Variants in FGD3 observed in about 807,000 individuals in gnomAD.
FGD3 encodes FYVE, RhoGEF and PH domain-containing protein 3.
Under a neutral mutation model 71.8 loss-of-function variants are expected in FGD3, and 45 were observed. The ratio of observed to expected loss-of-function variants is 0.63; its 90% CI spans 0.49 to 0.80. The LOEUF is 0.80. FGD3 is among the 30% of genes least tolerant of loss of function. The pLI is 0.00. For synonymous variants in FGD3, 378 were observed against 392.8 expected (o/e 0.96, Z 0.44); for missense variants, 844 against 951.5 (o/e 0.89, Z 1.49).
rs370015456 is a variant in FGD3, at chr9:93,034,579, C to T, written c.1824C>T (p.Cys608=). Reference sequence around the variant, plus strand: ...CAGACCCCCAGCCCAGCCTGCTCTGCGGCCCCCTGCGGCTGTCAGAGAGCG... The same window carrying T: ...CAGACCCCCAGCCCAGCCTGCTCTGTGGCCCCCTGCGGCTGTCAGAGAGCG... ...PTADPQPSLL[C]GPLRLSESGE... The change falls in exon 17 of 18, where the codon TGC becomes TGT. Residue 608 remains cysteine (C), a synonymous_variant. Coordinates refer to ENST00000375482, the MANE Select transcript of FGD3 (RefSeq NM_001083536.2). 2.1e-5 allele frequency: 34 copies of T among 1,613,200 alleles called. No homozygotes were observed. The African/African-American group carries it at 2.3e-4, about 11-fold the overall frequency.
At chr9:92,958,022 AG>A (rs1325686746) in intron 1 of FGD3, among the ~76,000 whole-genome samples, 3 of 148,444 alleles carry the variant, frequency 2.0e-5, no homozygotes, top group African/African-American at 7.5e-5. Flanking sequence ...TTTTTGAGAC[AG>A]GGTCTCATTC....
In FGD3 at chr9:92,987,045, A is replaced by G. The variant is rs532798261; in HGVS notation, c.453+10336A>G. On this transcript the variant is annotated intron_variant, in intron 3 of 17. Transcript: ENST00000375482. ...AGGCAGACTTGCCTCCGAGGTAGAC[A>G]GTCCAGTGAGTGCACAAGCCATTTC... Among the ~76,000 whole-genome samples, 9 of 152,376 alleles carry G rather than the reference A, an allele frequency of 5.9e-5. No individual in the cohort carries two copies. The East Asian group carries it at 1.7e-3, about 29-fold the overall frequency.
At chr9:93,024,801 G>A (rs768131776) in intron 14 of FGD3, among the ~76,000 whole-genome samples, 1 of 152,254 alleles carries the variant, frequency 6.6e-6, no homozygotes, top group Non-Finnish European at 1.5e-5. Flanking sequence ...TCTAACCCCC[G>A]GGTTGGTGCC....
At chr9:92,953,483 A>T (rs1422868478) in intron 1 of FGD3, among the ~76,000 whole-genome samples, 1 of 152,238 alleles carries the variant, frequency 6.6e-6, no homozygotes, top group African/African-American at 2.4e-5. Context: ...AGCAACTTTT[A>T]AGAAATGAGG....
intron 13 of FGD3, among the ~76,000 whole-genome samples, chr9:93,021,467 G>A (rs994917872): frequency 6.6e-5 from 10 of 152,112 alleles, no homozygotes; most frequent in African/African-American, 1.4e-4. Flanking sequence ...TGCCCGCTGC[G>A]AGGAAGGCCC....
chr9:93,029,850 T>C (rs761330129), intron 14 of FGD3, 24 bp from the exon 15 acceptor site: 2 of 1,608,114 alleles, frequency 1.2e-6, no homozygotes, highest in Admixed American at 3.3e-5. Context: ...CAGAAGCTGA[T>C]GGCATCTATT....
intron 3 of FGD3, among the ~76,000 whole-genome samples, chr9:92,981,368 CAA>C (rs11454338): frequency 4.5e-5 from 5 of 111,754 alleles, no homozygotes; most frequent in Middle Eastern, 4.0e-3. Context: ...ATTCCATCTC[CAA>C]AAAAAAAAAA....
intron 3 of FGD3, among the ~76,000 whole-genome samples, chr9:92,997,336 C>T (rs942582954): frequency 6.6e-6 from 1 of 152,152 alleles, no homozygotes; most frequent in Non-Finnish European, 1.5e-5. Flanking sequence ...ATAGATCTTC[C>T]TCCATCCCTT....
At position 92,962,200 on chromosome 9, in the gene FGD3, T is replaced by C. The variant is rs75382482; in HGVS notation, c.-217-13038T>C. ...CCCTCCCCATCCTCTTTTTGTTCCT[T>C]ACCTACCACAACCCCTCACCTTTCA... is the stretch of plus-strand genomic sequence containing the variant. On this transcript the variant is annotated intron_variant, in intron 1 of 17. Coordinates refer to ENST00000375482, the MANE Select transcript of FGD3 (RefSeq NM_001083536.2). Among the ~76,000 whole-genome samples, 1,519 of 152,312 alleles carry C rather than the reference T, an allele frequency of 1.0e-2. 25 individuals carry two copies. The highest frequency in any genetic ancestry group is 0.035 in the African/African-American group (1,442 of 41,570).
intron 1 of FGD3, among the ~76,000 whole-genome samples, chr9:92,973,862 A>T (rs559969875): frequency 1.3e-5 from 2 of 152,236 alleles, no homozygotes; most frequent in South Asian, 2.1e-4. Flanking sequence ...TCAGGGCTCC[A>T]TGCTGTGGAC....
Position 93,002,917 on chromosome 9 carries a change from C to G in FGD3, c.454-8C>G. On this transcript the variant is annotated splice_polypyrimidine_tract_variant and splice_region_variant and intron_variant, in intron 3 of 17. Coordinates refer to ENST00000375482, the MANE Select transcript of FGD3 (RefSeq NM_001083536.2). ...TCCCCAGGTGAGCTGCATCTCTTCT[C>G]TCCGCAGCACTCTGGCCCCCAGAAG... 1 of 1,613,478 alleles carries G rather than the reference C, an allele frequency of 6.2e-7. No individual in the cohort carries two copies. Among genetic ancestry groups the G allele is most frequent in the Non-Finnish European group, 8.5e-7 (1 of 1,179,772 alleles).
intron 3 of FGD3, among the ~76,000 whole-genome samples, chr9:92,994,786 A>C (rs1271484967): frequency 6.6e-6 from 1 of 151,974 alleles, no homozygotes; most frequent in Non-Finnish European, 1.5e-5. Flanking sequence ...ATTGTTGTAG[A>C]TGTGTGGTAT....
intron 14 of FGD3, 78 bp downstream of exon 14, chr9:93,022,467 A>ATCC: frequency 4.0e-6 from 6 of 1,498,860 alleles, no homozygotes; most frequent in Middle Eastern, 1.7e-4. Flanking sequence ...TATAGGGAAG[A>ATCC]TGGAGAGGGA....
chr9:92,983,775 A>G (rs1860086407), intron 3 of FGD3, among the ~76,000 whole-genome samples: 1 of 152,204 alleles, frequency 6.6e-6, no homozygotes, highest in Non-Finnish European at 1.5e-5. Flanking sequence ...AATTTTTACA[A>G]ACCTTCCACA....
intron 3 of FGD3, among the ~76,000 whole-genome samples, chr9:92,994,814 T>C (rs1860563958): frequency 6.6e-6 from 1 of 152,190 alleles, no homozygotes; most frequent in African/African-American, 2.4e-5. Flanking sequence ...GGGGGCTCTA[T>C]TCTGTTCCAT....
intron 6 of FGD3, among the ~76,000 whole-genome samples, chr9:93,006,814 C>T (rs980291523): frequency 6.6e-6 from 1 of 151,532 alleles, no homozygotes; most frequent in African/African-American, 2.4e-5. Flanking sequence ...GCAACCTCTG[C>T]CTCCAGGGTT....
chr9:93,011,618 G>A (rs530510712), intron 8 of FGD3, among the ~76,000 whole-genome samples: 1 of 152,322 alleles, frequency 6.6e-6, no homozygotes, highest in Admixed American at 6.5e-5. Context: ...AGCACTTTGG[G>A]AGGCCGAGGC....
At chr9:92,971,898 A>G (rs1859548526) in intron 1 of FGD3, among the ~76,000 whole-genome samples, 1 of 151,434 alleles carries the variant, frequency 6.6e-6, no homozygotes, top group Non-Finnish European at 1.5e-5. Context: ...CATCCCACAA[A>G]GCTCTTGTGC....
intron 3 of FGD3, among the ~76,000 whole-genome samples, chr9:92,996,005 G>C (rs745465422): frequency 3.3e-5 from 5 of 152,176 alleles, no homozygotes; most frequent in Non-Finnish European, 5.9e-5. Context: ...ATGAAATAGG[G>C]AAGATAACCT....
Sources: gnomAD v4.1 joint callset for allele counts (sites outside exome capture counted in the v4.1 genomes callset) on GRCh38, gnomAD v4.1.1 for gene constraint, MANE v1.5 for transcripts, NCBI Gene and HGNC (gene_info 2026-07-23, HGNC 2026-07-21) for gene names.